Variants in USP31 observed in about 807,000 individuals in gnomAD.
USP31 encodes ubiquitin carboxyl-terminal hydrolase 31.
A neutral mutation model predicts 119.4 loss-of-function variants in USP31; 44 were observed. The ratio of observed to expected loss-of-function variants is 0.37; its 90% CI spans 0.29 to 0.47. USP31 has a LOEUF of 0.47. USP31 is among the 20% of genes least tolerant of loss of function. The pLI is 0.99. For missense variants in USP31, 1,643 were observed against 1,730.2 expected (o/e 0.95, Z 0.89); for synonymous variants, 749 against 705.6 (o/e 1.06, Z -0.97).
chr16:23,130,835 G>A (rs115849931), intron 1 of USP31, among the ~76,000 whole-genome samples: 22 of 152,326 alleles, frequency 1.4e-4, no homozygotes, highest in African/African-American at 4.3e-4. Context: ...ATACATCAGC[G>A]TAAGTCACGT....
At chr16:23,119,064 G>A (rs1198270170) in intron 1 of USP31, among the ~76,000 whole-genome samples, 3 of 151,262 alleles carry the variant, frequency 2.0e-5, no homozygotes, top group East Asian at 3.9e-4. Context: ...TAGCCTCAGA[G>A]AAAGAAAGTA....
chr16:23,093,068 A>G (rs1053889088), intron 6 of USP31, among the ~76,000 whole-genome samples: 1 of 152,214 alleles, frequency 6.6e-6, no homozygotes, highest in African/African-American at 2.4e-5. Context: ...TGTAAGAGCT[A>G]AAACTACAAA....
At position 23,149,175 on chromosome 16, in the gene USP31, G is replaced by T; in HGVS notation, c.96C>A (p.Arg32=). The change falls in exon 1 of 16, where the codon CGC becomes CGA. Residue 32 remains arginine (R), a synonymous_variant. Transcript: ENST00000219689. ...GGCCCCCCGCGCCGCCGCCGCCAGC[G>T]CGGCCGCTCCGAAACAGCCGCTTGC... ...SFSKRLFRSG[R]AGGGGAGGPG... 1 of 1,165,634 alleles carries T rather than the reference G, an allele frequency of 8.6e-7. No homozygotes were observed. Among genetic ancestry groups the T allele is most frequent in the Admixed American group, 5.0e-5 (1 of 20,162 alleles). 72.2% of individuals were successfully genotyped at this position (1,165,634 alleles called of 1,614,324 possible).
rs1186770213 is a variant in USP31 at position 23,079,287 on chromosome 16, G to GATGGTATTCTTTCCACCTCTAGACTCTAA, written c.2176+630_2176+658dup. The GATGGTATTCTTTCCACCTCTAGACTCTAA allele has an allele frequency of 5.9e-5, 9 of 152,310 alleles. No homozygotes were observed. In the East Asian group the frequency reaches 1.7e-3, roughly 29 times the overall value. 9.4% of individuals were successfully genotyped at this position (152,310 alleles called of 1,614,324 possible). ...TTATCTCAGTGATAAGCCCATGGAT[G>GATGGTATTCTTTCCACCTCTAGACTCTAA]ATGGTATTCTTTCCACCTCTAGACT... On this transcript the variant is annotated intron_variant, in intron 13 of 15. Transcript: ENST00000219689.
Position 23,120,332 on chromosome 16 carries a change from T to C in USP31, c.634-12149A>G, listed in dbSNP as rs533300033. 7.2e-5 allele frequency among the ~76,000 whole-genome samples: 11 copies of C among 152,332 alleles called. No homozygotes were observed. The South Asian group carries it at 1.0e-3, about 14-fold the overall frequency. On this transcript the variant is annotated intron_variant, in intron 1 of 15. Coordinates refer to ENST00000219689, the MANE Select transcript of USP31 (RefSeq NM_020718.4). ...TCCTGTCATGAAACATTACAAATGG[T>C]TGAGGGTTTAAAAAGCATCAAGTTG...
chr16:23,106,123 T>A, intron 4 of USP31, 90 bp downstream of exon 4: 1 of 1,322,604 alleles, frequency 7.6e-7, no homozygotes, highest in East Asian at 2.3e-5. Context: ...ATTACCTGTC[T>A]AAATAAGTAA....
Position 23,069,577 on chromosome 16 carries a change from C to T in USP31, c.2528G>A (p.Arg843His), listed in dbSNP as rs753105085. 17 of 1,612,124 alleles carry T rather than the reference C, an allele frequency of 1.1e-5. No homozygotes were observed. In the East Asian group the frequency reaches 3.1e-4, roughly 30 times the overall value. ...AGAAGATCTGGATGACAAACTCTGA[C>T]GCTGGACACTTCTCACAAATGGTCG... is the stretch of plus-strand genomic sequence containing the variant. ...STRPFVRSVQRQSLSSRSSVT... is the reference protein window; with the variant it reads ...STRPFVRSVQHQSLSSRSSVT... The change falls in exon 16 of 16, where the codon CGT becomes CAT. Residue 843 changes from arginine (R) to histidine (H), a missense_variant. Transcript: ENST00000219689.
Position 23,149,167 on chromosome 16 carries a change from C to A in USP31, c.104G>T (p.Gly35Val), listed in dbSNP as rs757621319. The change falls in exon 1 of 16, where the codon GGC (glycine) becomes GTC (valine). Residue 35 changes from glycine to valine, a missense_variant. Gly to Val is a moderately radical substitution (Grantham distance 109). Around this residue, in one of 5 missense-constraint regions of USP31, gnomAD observed 302 missense variants for 262.6 expected, o/e 1.15. Coordinates refer to ENST00000219689, the MANE Select transcript of USP31 (RefSeq NM_020718.4). ...KRLFRSGRAGGGGAGGPGASG... is the reference protein window; with the variant it reads ...KRLFRSGRAGVGGAGGPGASG... ...CGCCCCGGGGCCCCCCGCGCCGCCG[C>A]CGCCAGCGCGGCCGCTCCGAAACAG... The A allele has an allele frequency of 8.6e-7, 1 of 1,167,334 alleles. No individual in the cohort carries two copies. Among genetic ancestry groups the A allele is most frequent in the South Asian group, 3.9e-5 (1 of 25,668 alleles). 72.3% of individuals were successfully genotyped at this position (1,167,334 alleles called of 1,614,324 possible). A position where few individuals can be genotyped will look rare whatever the true frequency, so the allele number is the denominator to read the frequency against.
In USP31 at chr16:23,148,766, A is replaced by G; in HGVS notation, c.505T>C (p.Ser169Pro). 6.6e-7 allele frequency: 1 copy of G among 1,526,342 alleles called. No homozygotes were observed. The allele number at this position is 1,526,342 out of a possible 1,614,324, so 94.5% of individuals were successfully genotyped here. The change falls in exon 1 of 16, where the codon TCG (serine) becomes CCG (proline). Residue 169 changes from serine to proline, a missense_variant. Around this residue, in one of 5 missense-constraint regions of USP31, gnomAD observed 302 missense variants for 262.6 expected, o/e 1.15. Coordinates refer to ENST00000219689, the MANE Select transcript of USP31 (RefSeq NM_020718.4). ...GQYRAGRPEP[S>P]PDPEQPAGRG... ...CCCGCAGGCTGCTCCGGGTCAGGCG[A>G]GGGCTCGGGCCGCCCCGCCCGGTAC...
intron 7 of USP31, among the ~76,000 whole-genome samples, chr16:23,090,118 C>T (rs950481778): frequency 1.3e-5 from 2 of 152,232 alleles, no homozygotes; most frequent in Admixed American, 6.5e-5. Context: ...GATGCAGTGG[C>T]TCACGCCTAT....
At chr16:23,074,007 C>G (rs1333695271) in intron 13 of USP31, 127 bp from the exon 14 acceptor site, 1 of 1,256,372 alleles carries the variant, frequency 8.0e-7, no homozygotes, top group East Asian at 2.5e-5. Context: ...TATAGCAACA[C>G]AGAAAGAGAT....
chr16:23,140,195 AGACTCT>A (rs1903313973), intron 1 of USP31, among the ~76,000 whole-genome samples: 1 of 152,222 alleles, frequency 6.6e-6, no homozygotes, highest in Non-Finnish European at 1.5e-5. Flanking sequence ...CTGTTGTGAC[AGACTCT>A]CAAAGCCATC....
intron 6 of USP31, among the ~76,000 whole-genome samples, chr16:23,098,935 C>G (rs1901731214): frequency 6.6e-6 from 1 of 152,140 alleles, no homozygotes; most frequent in South Asian, 2.1e-4. Context: ...GACTAAAACA[C>G]CAAAAGCAAA....
chr16:23,127,075 T>A (rs1032516697), intron 1 of USP31, among the ~76,000 whole-genome samples: 1 of 152,170 alleles, frequency 6.6e-6, no homozygotes, highest in Non-Finnish European at 1.5e-5. Context: ...TTAATATAAT[T>A]ATGATGCAAC....
intron 7 of USP31, among the ~76,000 whole-genome samples, chr16:23,088,180 G>A (rs919645921): frequency 6.6e-6 from 1 of 152,110 alleles, no homozygotes; most frequent in Admixed American, 6.6e-5. Context: ...AAGAGGTTGG[G>A]TGCCAGAGGA....
At chr16:23,129,033 T>C (rs1430134401) in intron 1 of USP31, among the ~76,000 whole-genome samples, 1 of 152,260 alleles carries the variant, frequency 6.6e-6, no homozygotes, top group African/African-American at 2.4e-5. Context: ...ATTTAACAAT[T>C]TTTTAATGGG....
intron 6 of USP31, among the ~76,000 whole-genome samples, chr16:23,091,510 A>T (rs950482924): frequency 6.6e-6 from 1 of 152,186 alleles, no homozygotes; most frequent in Admixed American, 6.5e-5. Context: ...ATGACATCCC[A>T]GCTGGAAAAT....
intron 6 of USP31, among the ~76,000 whole-genome samples, chr16:23,093,038 A>C (rs1901438087): frequency 6.6e-6 from 1 of 152,192 alleles, no homozygotes; most frequent in South Asian, 2.1e-4. Context: ...GGTTAACTTA[A>C]AATGTATCAA....
rs150676134 is a variant in USP31, at chr16:23,068,134, G to A, written c.3971C>T (p.Pro1324Leu). ...TTTCTCTGCAGACTGCCTGCCACCCGGAGACGAGGGAACTCCAGAGTCTAG... is the reference window on the plus strand; with the variant it reads ...TTTCTCTGCAGACTGCCTGCCACCCAGAGACGAGGGAACTCCAGAGTCTAG... ...SQLDSGVPSS[P>L]GGRQSAEKSS... The change falls in exon 16 of 16, where the codon CCG (proline) becomes CTG (leucine). Residue 1324 changes from proline (P) to leucine (L), a missense_variant. Coordinates refer to ENST00000219689, the MANE Select transcript of USP31 (RefSeq NM_020718.4). 1.9e-5 allele frequency: 30 copies of A among 1,614,104 alleles called. No homozygotes were observed. The highest frequency in any genetic ancestry group is 2.7e-5 in the African/African-American group (2 of 74,932).
Sources: allele counts gnomAD v4.1 joint callset (sites outside exome capture counted in the v4.1 genomes callset), GRCh38; gene constraint gnomAD v4.1.1; regional missense constraint gnomAD v4.1.1; transcripts MANE v1.5; gene names NCBI Gene and HGNC (gene_info 2026-07-23, HGNC 2026-07-21).